PCDHGA8: variants seen among roughly 807,000 people sequenced by gnomAD.
PCDHGA8 encodes the protein protocadherin gamma-A8.
PCDHGA8 carries 45 observed loss-of-function variants against 59.2 expected under a neutral mutation model. The observed-to-expected ratio is 0.76, with a 90% CI of 0.60 to 0.98. PCDHGA8 has a LOEUF of 0.98. Among genes scored for constraint, PCDHGA8 ranks in the 50% least tolerant of loss-of-function variants. PCDHGA8 has a pLI of 0.00. For synonymous variants in PCDHGA8, 531 were observed against 519.0 expected (o/e 1.02, Z -0.32); for missense variants, 1,257 against 1,196.2 (o/e 1.05, Z -0.75).
intron 1 of PCDHGA8, among the ~76,000 whole-genome samples, chr5:141,466,994 T>C (rs944607423): frequency 6.6e-6 from 1 of 152,176 alleles, no homozygotes; most frequent in African/African-American, 2.4e-5. Flanking sequence ...CTTTTGGCAT[T>C]TTTTTGCAAT....
chr5:141,501,302 C>T (rs886901737), intron 2 of PCDHGA8, among the ~76,000 whole-genome samples: 14 of 151,156 alleles, frequency 9.3e-5, no homozygotes, highest in African/African-American at 2.9e-4. Flanking sequence ...CACACACACA[C>T]ACACACACAC....
In PCDHGA8 at chr5:141,392,890, T is replaced by G. The variant is rs2092623202; in HGVS notation, c.77T>G (p.Ile26Ser). ...GCGCTGCTGGGAACGCTGTGGGAAATCGGGAGGGGACAGATTCGCTACTCT... is the reference window on the plus strand; with the variant it reads ...GCGCTGCTGGGAACGCTGTGGGAAAGCGGGAGGGGACAGATTCGCTACTCT... ...LCALLGTLWE[I>S]GRGQIRYSVP... The change falls in exon 1 of 4, where the codon ATC becomes AGC. Residue 26 changes from isoleucine (I) to serine (S), a missense_variant. Coordinates refer to ENST00000398604, the MANE Select transcript of PCDHGA8 (RefSeq NM_032088.2). 3.1e-6 allele frequency: 5 copies of G among 1,613,418 alleles called. No individual in the cohort carries two copies. Among genetic ancestry groups the G allele is most frequent in the Admixed American group, 1.7e-5 (1 of 59,982 alleles).
At chr5:141,398,267 T>G (rs757957397) in intron 1 of PCDHGA8, 2 of 1,435,108 alleles carry the variant, frequency 1.4e-6, no homozygotes, top group East Asian at 2.5e-5. Context: ...GGCTCCGTAG[T>G]GGGGAACCTC....
At chr5:141,435,214 A>G (rs1314928643) in intron 1 of PCDHGA8, among the ~76,000 whole-genome samples, 2 of 152,176 alleles carry the variant, frequency 1.3e-5, no homozygotes, top group South Asian at 2.1e-4. Context: ...AAGTGAATTT[A>G]CTTTCTTTCA....
In PCDHGA8 at chr5:141,511,251, A is replaced by T. The variant is rs780892899; in HGVS notation, c.*78A>T. 2.0e-5 allele frequency: 32 copies of T among 1,571,672 alleles called. No homozygotes were observed. Among genetic ancestry groups the T allele is most frequent in the Non-Finnish European group, 2.6e-5 (30 of 1,158,828 alleles). ...TTCTCCTTACCTGCACCCAGGCCTC[A>T]GAGTTTCAGGGCTAACCCCCAGAAT... On this transcript the variant is annotated 3_prime_UTR_variant, in exon 4 of 4. Transcript: ENST00000398604.
chr5:141,432,630 G>A lies in PCDHGA8; in HGVS notation c.2424+37393G>A, dbSNP rs1278355878. On this transcript the variant is annotated intron_variant, in intron 1 of 3. Coordinates refer to ENST00000398604, the MANE Select transcript of PCDHGA8 (RefSeq NM_032088.2). This position sits in a 1 kb window ranked among gnomAD's most constrained non-coding sequence, Gnocchi z 6.0. ...CTCTTCTCGGTGGGTCTGCACACGG[G>A]CGAGGTGCGCACGGCGCGAGCCCTG... 3.7e-6 allele frequency: 6 copies of A among 1,612,782 alleles called. No homozygotes were observed. Among genetic ancestry groups the A allele is most frequent in the Non-Finnish European group, 5.1e-6 (6 of 1,179,682 alleles).
chr5:141,474,687 A>G (rs369586568), intron 1 of PCDHGA8, among the ~76,000 whole-genome samples: 35 of 152,302 alleles, frequency 2.3e-4, no homozygotes, highest in African/African-American at 7.7e-4. Flanking sequence ...CTACCCCTTC[A>G]CTTATGTTCA....
chr5:141,423,503 C>T (rs1225012888), intron 1 of PCDHGA8: 2 of 1,613,984 alleles, frequency 1.2e-6, no homozygotes, highest in South Asian at 2.2e-5. Context: ...CACGAGGTCT[C>T]TCTCATTGCG....
chr5:141,410,827 A>G lies in PCDHGA8; in HGVS notation c.2424+15590A>G. The G allele has an allele frequency of 1.4e-5, 6 of 440,972 alleles. No individual in the cohort carries two copies. The South Asian group carries it at 2.4e-4, about 18-fold the overall frequency. 27.3% of individuals were successfully genotyped at this position (440,972 alleles called of 1,614,324 possible). The stretch of plus-strand genomic sequence containing the variant: ...TCTTTTTGTAAAATAATGTCACCAG[A>G]CTGAAGATATTTTGTCTTTGTCTTT... On this transcript the variant is annotated intron_variant, in intron 1 of 3. Transcript: ENST00000398604.
rs1223431294 is a variant in PCDHGA8, at chr5:141,490,280, C to T, written c.2425-4527C>T. ...GATGTGGGGGATGTCAATGACAATG[C>T]CCCAGAGGTGCTATTGGCCTCTTTG... On this transcript the variant is annotated intron_variant, in intron 1 of 3. Transcript: ENST00000398604. The surrounding 1 kb of genome is among the most constrained non-coding windows in gnomAD (Gnocchi z 5.4). The T allele has an allele frequency of 5.6e-6, 9 of 1,614,216 alleles. No individual in the cohort carries two copies. In the East Asian group the frequency reaches 1.8e-4, roughly 32 times the overall value.
chr5:141,410,817 A>T, intron 1 of PCDHGA8: 1 of 524,252 alleles, frequency 1.9e-6, no homozygotes, highest in Non-Finnish European at 3.1e-6. Context: ...TTGTAAAATA[A>T]TGTCACCAGA....
At chr5:141,402,458 T>C (rs886690950) in intron 1 of PCDHGA8, among the ~76,000 whole-genome samples, 2 of 152,178 alleles carry the variant, frequency 1.3e-5, no homozygotes, top group Non-Finnish European at 2.9e-5. Flanking sequence ...ATAGTTTACA[T>C]ATCTAGAAAT....
chr5:141,422,723 G>A lies in PCDHGA8; in HGVS notation c.2424+27486G>A. The stretch of plus-strand genomic sequence containing the variant: ...TCTCTGACGGATGACACTGTCCAGG[G>A]GGTGCCTCTGTCCTCCTATGTCTCT... On this transcript the variant is annotated intron_variant, in intron 1 of 3. Coordinates refer to ENST00000398604, the MANE Select transcript of PCDHGA8 (RefSeq NM_032088.2). The A allele has an allele frequency of 1.2e-6, 2 of 1,605,958 alleles. No homozygotes were observed. The highest frequency in any genetic ancestry group is 1.7e-6 in the Non-Finnish European group (2 of 1,175,478).
At position 141,491,798 on chromosome 5, in the gene PCDHGA8, G is replaced by A. The variant is rs1269524283; in HGVS notation, c.2425-3009G>A. 1 of 1,506,648 alleles carries A rather than the reference G, an allele frequency of 6.6e-7. No homozygotes were observed. The highest frequency in any genetic ancestry group is 8.9e-7 in the Non-Finnish European group (1 of 1,128,050). The allele number at this position is 1,506,648 out of a possible 1,614,324, so 93.3% of individuals were successfully genotyped here. ...TTGAACTTGCATCCACTCCTCTCCG[G>A]CCGGCTTGGTCGCTGGCTGCGCTCC... On this transcript the variant is annotated intron_variant, in intron 1 of 3. Coordinates refer to ENST00000398604, the MANE Select transcript of PCDHGA8 (RefSeq NM_032088.2). This position sits in a 1 kb window ranked among gnomAD's most constrained non-coding sequence, Gnocchi z 6.9.
At chr5:141,416,913 G>C (rs2096067624) in intron 1 of PCDHGA8, 1 of 151,920 alleles carries the variant, frequency 6.6e-6, no homozygotes, top group South Asian at 2.1e-4. Context: ...ACACTCTTTA[G>C]GGTCATAGTT....
Position 141,477,099 on chromosome 5 carries a change from G to C in PCDHGA8, c.2425-17708G>C. On this transcript the variant is annotated intron_variant, in intron 1 of 3. Transcript: ENST00000398604. This position sits in a 1 kb window ranked among gnomAD's most constrained non-coding sequence, Gnocchi z 4.9. ...ATTTACATCCAGGCCAAAGACAAGG[G>C]CGCCAATCCCGAAGGAGCACATTGC... 6.2e-7 allele frequency: 1 copy of C among 1,614,256 alleles called. No individual in the cohort carries two copies. Among genetic ancestry groups the C allele is most frequent in the Non-Finnish European group, 8.5e-7 (1 of 1,180,054 alleles).
chr5:141,415,627 A>T, intron 1 of PCDHGA8: 1 of 1,598,406 alleles, frequency 6.3e-7, no homozygotes, highest in Non-Finnish European at 8.5e-7. Context: ...TTTTATTTTC[A>T]TTTTTACTTT....
chr5:141,456,463 G>A (rs1195450847), intron 1 of PCDHGA8, among the ~76,000 whole-genome samples: 1 of 152,122 alleles, frequency 6.6e-6, no homozygotes, highest in Non-Finnish European at 1.5e-5. Context: ...ATCAATACAA[G>A]ACATATAAGC....
chr5:141,500,139 CT>C (rs2099796692), intron 2 of PCDHGA8, among the ~76,000 whole-genome samples: 2 of 151,768 alleles, frequency 1.3e-5, no homozygotes, highest in East Asian at 3.9e-4. Context: ...TCTTTCTAAA[CT>C]TTTCTTTGTG....
Sources: allele counts gnomAD v4.1 joint callset (sites outside exome capture counted in the v4.1 genomes callset), GRCh38; gene constraint gnomAD v4.1.1; non-coding constraint Gnocchi (gnomAD v3.1); transcripts MANE v1.5; gene names NCBI Gene and HGNC (gene_info 2026-07-23, HGNC 2026-07-21).